Variants in FGF2 observed in about 807,000 individuals in gnomAD.
FGF2 encodes fibroblast growth factor 2.
Under a neutral mutation model 15.9 loss-of-function variants are expected in FGF2, and 13 were observed. The ratio of observed to expected loss-of-function variants is 0.82; its 90% CI spans 0.53 to 1.30. The LOEUF (loss-of-function observed/expected upper bound fraction) is 1.30, where lower values mean the gene tolerates loss of function less well. FGF2 is among the 50% of genes most tolerant of loss of function. The pLI, the probability that FGF2 is intolerant of heterozygous loss-of-function variation, is 0.00. For synonymous variants in FGF2, 90 were observed against 78.4 expected, an observed-to-expected ratio of 1.15 and a Z score of -0.78; for missense variants, 163 against 196.9, an observed-to-expected ratio of 0.83 and a Z score of 1.03.
At chr4:122,873,806 C>T (rs759648458) in intron 1 of FGF2, among the ~76,000 whole-genome samples, 6 of 151,682 alleles carry the variant, frequency 4.0e-5, no homozygotes, top group Non-Finnish European at 7.4e-5. Flanking sequence ...ATTTTTAAAA[C>T]TTGTAATTTA....
chr4:122,881,532 C>T lies in FGF2; in HGVS notation c.282+5108C>T, dbSNP rs1452776455. On this transcript the variant is annotated intron_variant, in intron 2 of 2. Coordinates refer to ENST00000644866, the MANE Select transcript of FGF2 (RefSeq NM_001361665.2). ...AATCTCTAGGGCAGGGGCAAAATGC[C>T]ACCAGTCTCTTTGCTAAAACATAAC... Among the ~76,000 whole-genome samples, 3 of 152,174 alleles carry T rather than the reference C, an allele frequency of 2.0e-5. No homozygotes were observed. In the East Asian group the frequency reaches 5.8e-4, roughly 29 times the overall value.
intron 1 of FGF2, among the ~76,000 whole-genome samples, chr4:122,843,153 GATC>G (rs1446549557): frequency 6.6e-6 from 1 of 152,184 alleles, no homozygotes; most frequent in Admixed American, 6.5e-5. Context: ...GGGACAGTGA[GATC>G]ATAGCAAGGA....
intron 2 of FGF2, among the ~76,000 whole-genome samples, chr4:122,889,269 A>G (rs928270367): frequency 1.3e-5 from 2 of 152,194 alleles, no homozygotes; most frequent in African/African-American, 4.8e-5. Context: ...TTAGGCCTAT[A>G]TAAAATAAGG....
chr4:122,829,306 T>C (rs1054314430), intron 1 of FGF2, among the ~76,000 whole-genome samples: 1 of 152,222 alleles, frequency 6.6e-6, no homozygotes, highest in Non-Finnish European at 1.5e-5. Context: ...CATTTGACAA[T>C]GCCTGGAGAC....
rs1007758157 is a variant in FGF2, at chr4:122,895,142, T to A, written c.*2746T>A. The A allele has an allele frequency of 6.6e-6, 1 of 152,200 alleles. No individual in the cohort carries two copies. The highest frequency in any genetic ancestry group is 2.4e-5 in the African/African-American group (1 of 41,444). 9.4% of individuals were successfully genotyped at this position (152,200 alleles called of 1,614,324 possible). On this transcript the variant is annotated 3_prime_UTR_variant, in exon 3 of 3. Transcript: ENST00000644866. ...AGAGTATGCGGGAGACCCTTCCACC[T>A]CAAGATGGATATTTCTTCCCCAAGG...
At chr4:122,832,174 G>A (rs746688083) in intron 1 of FGF2, among the ~76,000 whole-genome samples, 8 of 152,168 alleles carry the variant, frequency 5.3e-5, no homozygotes, top group Non-Finnish European at 1.0e-4. Context: ...CGTAGCACAC[G>A]TCTGTAAGAA....
intron 2 of FGF2, among the ~76,000 whole-genome samples, chr4:122,877,227 A>G (rs1726871593): frequency 1.3e-5 from 2 of 151,518 alleles, no homozygotes; most frequent in Admixed American, 1.3e-4. Flanking sequence ...CTCCTGCCTC[A>G]GCCTCCCGAG....
intron 2 of FGF2, among the ~76,000 whole-genome samples, chr4:122,881,039 C>T (rs1264529219): frequency 6.6e-6 from 1 of 152,214 alleles, no homozygotes; most frequent in Non-Finnish European, 1.5e-5. Flanking sequence ...TTGATGCTTG[C>T]ACCCTCTGAA....
At position 122,851,060 on chromosome 4, in the gene FGF2, T is replaced by C. The variant is rs7435114; in HGVS notation, c.178+23708T>C. Among the ~76,000 whole-genome samples the C allele has an allele frequency of 1.8e-4, 27 of 152,302 alleles. 1 individual carries two copies. In the East Asian group the frequency reaches 2.9e-3, roughly 16 times the overall value. Reference sequence around the variant, plus strand: ...TTCCCCTACTTCCCCTGCTCCCCCATCCTTGCATCCAACCAATTGCTTGGA... The same window carrying C: ...TTCCCCTACTTCCCCTGCTCCCCCACCCTTGCATCCAACCAATTGCTTGGA... On this transcript the variant is annotated intron_variant, in intron 1 of 2. Coordinates refer to ENST00000644866, the MANE Select transcript of FGF2 (RefSeq NM_001361665.2).
intron 1 of FGF2, among the ~76,000 whole-genome samples, chr4:122,870,127 GATTAC>G (rs1726698690): frequency 6.6e-6 from 1 of 152,186 alleles, no homozygotes; most frequent in Non-Finnish European, 1.5e-5. Flanking sequence ...TTATGTGATG[GATTAC>G]ATTTATTGAT....
intron 1 of FGF2, among the ~76,000 whole-genome samples, chr4:122,866,579 A>G (rs1444254454): frequency 2.6e-5 from 4 of 152,230 alleles, no homozygotes; most frequent in Admixed American, 2.6e-4. Flanking sequence ...AGCACATGAA[A>G]AGATGCTCAA....
chr4:122,846,769 A>G (rs549893034), intron 1 of FGF2, among the ~76,000 whole-genome samples: 1 of 152,362 alleles, frequency 6.6e-6, no homozygotes, highest in African/African-American at 2.4e-5. Context: ...ATTTTCTGAG[A>G]AGAATGAATG....
chr4:122,872,007 T>C (rs1478250271), intron 1 of FGF2, among the ~76,000 whole-genome samples: 1 of 152,078 alleles, frequency 6.6e-6, no homozygotes, highest in Admixed American at 6.6e-5. Flanking sequence ...GGTGCAGAAC[T>C]GTATGGAGGA....
chr4:122,838,558 TTCTTA>T (rs746107645), intron 1 of FGF2, among the ~76,000 whole-genome samples: 46 of 152,246 alleles, frequency 3.0e-4, no homozygotes, highest in Non-Finnish European at 2.2e-4. Context: ...CATTCTAGAC[TTCTTA>T]GTGTTTAGAA....
Position 122,858,811 on chromosome 4 carries a change from A to C in FGF2, c.179-17510A>C, listed in dbSNP as rs75816439. ...ATGATGGCTGATGGAAGAAAAAAAA[A>C]CAGTGGTTATACCTTGGAATTTAGT... On this transcript the variant is annotated intron_variant, in intron 1 of 2. Coordinates refer to ENST00000644866, the MANE Select transcript of FGF2 (RefSeq NM_001361665.2). Among the ~76,000 whole-genome samples the C allele has an allele frequency of 7.7e-3, 1,167 of 152,308 alleles. 15 individuals carry two copies. The highest frequency in any genetic ancestry group is 0.027 in the African/African-American group (1,104 of 41,556).
At position 122,828,932 on chromosome 4, in the gene FGF2, A is replaced by G. The variant is rs138084776; in HGVS notation, c.178+1580A>G. On this transcript the variant is annotated intron_variant, in intron 1 of 2. Transcript: ENST00000644866. ...CAAGGGCAAGGTGCTGTGTGTCCCA[A>G]TTGGTTTTGTTCTTTCTAGTATCAC... is the stretch of plus-strand genomic sequence containing the variant. Among the ~76,000 whole-genome samples the G allele has an allele frequency of 1.4e-3, 218 of 152,336 alleles. 1 individual carries two copies. The highest frequency in any genetic ancestry group is 4.9e-3 in the African/African-American group (203 of 41,572).
At chr4:122,887,350 G>A (rs72674920) in intron 2 of FGF2, among the ~76,000 whole-genome samples, 3,303 of 152,106 alleles carry the variant, frequency 0.022, 62 homozygotes, top group Non-Finnish European at 0.036. Context: ...ATCTAAATAT[G>A]AGTTCATTCA....
rs1371137137 is a variant in FGF2, at chr4:122,896,644, A to G, written c.*4248A>G. ...AGGTCAATAAGTACCTGAAACCAAG[A>G]TTGGCTAGAGATATATCTTAATGCA... On this transcript the variant is annotated 3_prime_UTR_variant, in exon 3 of 3. Transcript: ENST00000644866. 1 of 152,146 alleles carries G rather than the reference A, an allele frequency of 6.6e-6. No homozygotes were observed. Among genetic ancestry groups the G allele is most frequent in the Non-Finnish European group, 1.5e-5 (1 of 68,020 alleles). 9.4% of individuals were successfully genotyped at this position (152,146 alleles called of 1,614,324 possible).
chr4:122,842,603 A>G (rs1463773229), intron 1 of FGF2, among the ~76,000 whole-genome samples: 2 of 152,124 alleles, frequency 1.3e-5, no homozygotes, highest in African/African-American at 4.8e-5. Flanking sequence ...AATGTTGAGG[A>G]CTGTTGTTGA....
Sources: allele counts gnomAD v4.1 joint callset (sites outside exome capture counted in the v4.1 genomes callset), GRCh38; gene constraint gnomAD v4.1.1; transcripts MANE v1.5; gene names NCBI Gene and HGNC (gene_info 2026-07-23, HGNC 2026-07-21).